The following SUN3 variants were observed in gnomAD, a reference collection of about 807,000 sequenced individuals.
SUN3 encodes Sad1 and UNC84 domain containing 3, also known as SUN domain-containing protein 3.
A neutral mutation model predicts 48.2 loss-of-function variants in SUN3; 36 were observed. The ratio of observed to expected loss-of-function variants is 0.75; its 90% CI spans 0.57 to 0.99. The LOEUF (loss-of-function observed/expected upper bound fraction) is 0.99. Among genes scored for constraint, SUN3 ranks in the 50% least tolerant of loss-of-function variants. SUN3 has a pLI of 0.00. For missense variants in SUN3, 419 were observed against 433.1 expected (o/e 0.97, Z 0.29); for synonymous variants, 148 against 147.9 (o/e 1.00, Z 0.00).
At chr7:47,988,930 T>C in intron 8 of SUN3, 50 bp from the exon 9 acceptor site, 3 of 1,123,712 alleles carry the variant, frequency 2.7e-6, no homozygotes, top group Non-Finnish European at 3.9e-6. Flanking sequence ...GATGCAGTTG[T>C]GTTTTCAAAA....
chr7:48,027,931 A>G (rs1790179982), intron 1 of SUN3, among the ~76,000 whole-genome samples: 1 of 152,172 alleles, frequency 6.6e-6, no homozygotes, highest in African/African-American at 2.4e-5. Flanking sequence ...CATTAAGTGA[A>G]AATTATCACA....
the SUN3 span, among the ~76,000 whole-genome samples, chr7:48,034,722 A>G: frequency 9.8e-5 from 15 of 152,342 alleles, no homozygotes; most frequent in African/African-American, 3.4e-4. Context: ...ATGAAGCACC[A>G]TTGGTAATAT....
At chr7:47,987,522 T>A in intron 9 of SUN3, 73 bp from the exon 10 acceptor site, 1 of 1,340,136 alleles carries the variant, frequency 7.5e-7, no homozygotes, top group South Asian at 1.9e-5. Context: ...AATACTGATA[T>A]AATTTTAAAT....
chr7:48,023,035 A>T (rs1790042975), intron 2 of SUN3, among the ~76,000 whole-genome samples: 1 of 152,162 alleles, frequency 6.6e-6, no homozygotes, highest in South Asian at 2.1e-4. Context: ...CAGTGAAAGG[A>T]CATTAGAGAG....
chr7:48,007,402 C>T (rs532010010), intron 4 of SUN3, 75 bp from the exon 5 acceptor site: 33 of 1,409,662 alleles, frequency 2.3e-5, no homozygotes, highest in East Asian at 6.9e-5. Context: ...GGGCTCCACC[C>T]GCCATGTGAT....
At chr7:48,015,868 A>AAT (rs1789797382) in intron 3 of SUN3, among the ~76,000 whole-genome samples, 1 of 152,224 alleles carries the variant, frequency 6.6e-6, no homozygotes, top group African/African-American at 2.4e-5. Context: ...AATTCAGTTC[A>AAT]TGGTTTGACT....
chr7:48,005,384 C>G (rs892169244), intron 6 of SUN3, among the ~76,000 whole-genome samples: 1 of 152,168 alleles, frequency 6.6e-6, no homozygotes, highest in African/African-American at 2.4e-5. Context: ...ATTTGACTAT[C>G]AATTGATTAA....
chr7:48,024,022 G>A (rs926620803), intron 2 of SUN3, among the ~76,000 whole-genome samples: 1 of 151,950 alleles, frequency 6.6e-6, no homozygotes, highest in African/African-American at 2.4e-5. Flanking sequence ...ATATTACTTT[G>A]GCTTTCCACA....
chr7:47,987,798 T>G (rs949727030), intron 9 of SUN3, among the ~76,000 whole-genome samples: 5 of 152,318 alleles, frequency 3.3e-5, no homozygotes, highest in Admixed American at 2.0e-4. Flanking sequence ...CCTCCAAAAG[T>G]GATGGGATTA....
the SUN3 span, chr7:48,035,618 C>A: frequency 2.0e-5 from 14 of 688,364 alleles, no homozygotes; most frequent in Non-Finnish European, 3.2e-5. This position sits in a 1 kb window ranked among gnomAD's most constrained non-coding sequence, Gnocchi z 4.0. Context: ...CCACGGAGAC[C>A]CGCGGGGAGC....
chr7:48,002,213 G>T (rs1275542314), intron 6 of SUN3, among the ~76,000 whole-genome samples: 1 of 123,026 alleles, frequency 8.1e-6, no homozygotes, highest in Non-Finnish European at 1.5e-5. Context: ...AGGCTGGAGT[G>T]CAGTGGCGCG....
At position 48,025,950 on chromosome 7, in the gene SUN3, AAAACAATGATTAG is replaced by A. The variant is rs777328868; in HGVS notation, c.123-25_123-13del. ...ATGATCGAGTTACCCTAAAAGAATA[AAAACAATGATTAG>A]AAAAAGAATTTAACAACATCATGCA... On this transcript the variant is annotated splice_polypyrimidine_tract_variant and intron_variant, in intron 1 of 9. Coordinates refer to ENST00000297325, the MANE Select transcript of SUN3 (RefSeq NM_001030019.2). 3.6e-5 allele frequency: 56 copies of A among 1,567,934 alleles called. No individual in the cohort carries two copies. In the African/African-American group the frequency reaches 6.5e-4, roughly 18 times the overall value.
the SUN3 span, chr7:48,035,719 C>T: frequency 5.1e-6 from 3 of 586,118 alleles, no homozygotes; most frequent in Admixed American, 5.9e-5. The surrounding 1 kb of genome is among the most constrained non-coding windows in gnomAD (Gnocchi z 4.0). Flanking sequence ...GCGGGCAGTG[C>T]GCGCCGGGGC....
At chr7:48,019,977 CAAA>C (rs869166401) in intron 2 of SUN3, among the ~76,000 whole-genome samples, 1,258 of 64,108 alleles carry the variant, frequency 0.02, 9 homozygotes, top group South Asian at 0.075. Context: ...AAAGACACAT[CAAA>C]AAAAAAAAAA....
chr7:48,025,471 C>T (rs1464043393), intron 2 of SUN3, among the ~76,000 whole-genome samples: 1 of 152,174 alleles, frequency 6.6e-6, no homozygotes, highest in Non-Finnish European at 1.5e-5. Context: ...ACAAACTGCA[C>T]ATTCTGCAGT....
chr7:48,004,989 A>C (rs1045413286), intron 6 of SUN3, among the ~76,000 whole-genome samples: 4 of 152,342 alleles, frequency 2.6e-5, no homozygotes, highest in African/African-American at 9.6e-5. Context: ...ATTTGTTTCC[A>C]CATCTATGGC....
At chr7:47,995,675 A>G (rs1469194589) in intron 7 of SUN3, among the ~76,000 whole-genome samples, 1 of 152,220 alleles carries the variant, frequency 6.6e-6, no homozygotes, top group Non-Finnish European at 1.5e-5. Context: ...CTTAGGAGAC[A>G]AGTACTTTCA....
chr7:48,027,096 G>C (rs1043507433), intron 1 of SUN3, among the ~76,000 whole-genome samples: 4 of 152,254 alleles, frequency 2.6e-5, no homozygotes, highest in Admixed American at 2.0e-4. Context: ...GACCCATGTG[G>C]GTATGGGCTC....
At chr7:47,993,843 T>C (rs1789132460) in intron 8 of SUN3, among the ~76,000 whole-genome samples, 1 of 152,230 alleles carries the variant, frequency 6.6e-6, no homozygotes, top group South Asian at 2.1e-4. Flanking sequence ...GAAACCTGTT[T>C]TGTTTTTTAA....
Sources: allele counts gnomAD v4.1 joint callset (sites outside exome capture counted in the v4.1 genomes callset), GRCh38; gene constraint gnomAD v4.1.1; non-coding constraint Gnocchi (gnomAD v3.1); transcripts MANE v1.5; gene names NCBI Gene and HGNC (gene_info 2026-07-23, HGNC 2026-07-21).